Variants in CSMD1 observed in about 807,000 individuals in gnomAD.
CSMD1 encodes CUB and sushi domain-containing protein 1.
A neutral mutation model predicts 417.5 loss-of-function variants in CSMD1; 213 were observed. That is an observed-to-expected ratio of 0.51 (90% CI 0.46 to 0.57). The LOEUF (loss-of-function observed/expected upper bound fraction) is 0.57. Among genes scored for constraint, CSMD1 ranks in the 20% least tolerant of loss-of-function variants. The probability of loss-of-function intolerance (pLI) is 0.00; values close to 1 mark genes in which losing one functional copy is unlikely to be tolerated. For missense variants in CSMD1, 6,923 were observed against 4,529.7 expected (o/e 1.53, Z -15.17); for synonymous variants, 2,862 against 1,736.8 (o/e 1.65, Z -16.11).
intron 8 of CSMD1, among the ~76,000 whole-genome samples, chr8:3,606,289 T>A (rs1801609781): frequency 6.6e-6 from 1 of 152,030 alleles, no homozygotes; most frequent in Admixed American, 6.6e-5. Context: ...CAGAGGGCCC[T>A]TACACCCACC....
intron 3 of CSMD1, among the ~76,000 whole-genome samples, chr8:4,166,592 T>C (rs1428064286): frequency 6.6e-6 from 1 of 152,084 alleles, no homozygotes; most frequent in Non-Finnish European, 1.5e-5. Context: ...TAATGGACTT[T>C]GGGGACTCAC....
chr8:3,219,214 A>G (rs1306694438), intron 29 of CSMD1, 41 bp downstream of exon 29: 1 of 1,505,646 alleles, frequency 6.6e-7, no homozygotes, highest in Admixed American at 2.0e-5. Context: ...AACAGTCCTG[A>G]TACAAATTAA....
At chr8:4,836,226 GT>G (rs1800481853) in intron 1 of CSMD1, among the ~76,000 whole-genome samples, 1 of 152,146 alleles carries the variant, frequency 6.6e-6, no homozygotes, top group African/African-American at 2.4e-5. Context: ...TATTAGATAG[GT>G]TAATTAACTA....
chr8:4,535,525 A>G (rs150934342), intron 2 of CSMD1, among the ~76,000 whole-genome samples: 2 of 152,206 alleles, frequency 1.3e-5, no homozygotes, highest in East Asian at 3.9e-4. Context: ...TCGATGTTCA[A>G]ATTTTTTATC....
intron 26 of CSMD1, among the ~76,000 whole-genome samples, chr8:3,267,544 C>A (rs1005832422): frequency 2.6e-5 from 4 of 152,062 alleles, no homozygotes; most frequent in Non-Finnish European, 4.4e-5. Context: ...AGATGCTGGG[C>A]CAGGGAGCTT....
intron 3 of CSMD1, among the ~76,000 whole-genome samples, chr8:4,058,813 A>G (rs1563067707): frequency 6.6e-6 from 1 of 151,030 alleles, no homozygotes; most frequent in East Asian, 1.9e-4. Flanking sequence ...TGACCTACAA[A>G]GAGACTTAGA....
intron 5 of CSMD1, among the ~76,000 whole-genome samples, chr8:3,995,574 G>A (rs760772240): frequency 1.2e-4 from 19 of 152,160 alleles, no homozygotes; most frequent in African/African-American, 4.3e-4. Flanking sequence ...AAATGCCGTG[G>A]AGTCAGAGAC....
chr8:4,893,872 A>C (rs532476696), intron 1 of CSMD1, among the ~76,000 whole-genome samples: 1 of 152,210 alleles, frequency 6.6e-6, no homozygotes, highest in Admixed American at 6.5e-5. Flanking sequence ...TTTTCCCCAA[A>C]AACAGAAAAA....
intron 54 of CSMD1, among the ~76,000 whole-genome samples, chr8:2,979,091 T>G (rs1585085628): frequency 6.6e-6 from 1 of 152,226 alleles, no homozygotes. Context: ...TTTCCTTGGT[T>G]AAGTTTTTGT....
At chr8:4,256,860 C>A (rs1803493655) in intron 3 of CSMD1, among the ~76,000 whole-genome samples, 1 of 152,170 alleles carries the variant, frequency 6.6e-6, no homozygotes, top group Admixed American at 6.5e-5. Flanking sequence ...GTCACCATCG[C>A]ATAAAGGGGG....
At chr8:4,886,151 C>A (rs1054108277) in intron 1 of CSMD1, among the ~76,000 whole-genome samples, 1 of 151,918 alleles carries the variant, frequency 6.6e-6, no homozygotes, top group African/African-American at 2.4e-5. Flanking sequence ...CCACGACTCC[C>A]AGCTAATTTT....
intron 3 of CSMD1, among the ~76,000 whole-genome samples, chr8:4,297,607 G>C (rs866946255): frequency 1.3e-5 from 2 of 152,082 alleles, no homozygotes; most frequent in African/African-American, 4.8e-5. Flanking sequence ...GTAAGGCTAA[G>C]ATAGCCTGAA....
At chr8:4,278,411 C>G (rs1403590282) in intron 3 of CSMD1, among the ~76,000 whole-genome samples, 1 of 152,048 alleles carries the variant, frequency 6.6e-6, no homozygotes, top group Non-Finnish European at 1.5e-5. Context: ...ACATATTGAG[C>G]CACATGATAC....
chr8:4,859,646 A>G (rs1344052117), intron 1 of CSMD1, among the ~76,000 whole-genome samples: 2 of 152,156 alleles, frequency 1.3e-5, no homozygotes, highest in African/African-American at 2.4e-5. Flanking sequence ...ACAGCCAAAA[A>G]ACACATGAAA....
At chr8:3,387,018 G>T (rs139918686) in intron 18 of CSMD1, among the ~76,000 whole-genome samples, 1 of 152,178 alleles carries the variant, frequency 6.6e-6, no homozygotes, top group Non-Finnish European at 1.5e-5. Flanking sequence ...AAAAGCTGCT[G>T]AAGATCTCCT....
At chr8:3,744,899 G>A (rs886444559) in intron 6 of CSMD1, among the ~76,000 whole-genome samples, 8 of 152,132 alleles carry the variant, frequency 5.3e-5, no homozygotes, top group Non-Finnish European at 8.8e-5. Flanking sequence ...CATGCTGAGC[G>A]CTTTAGTTGA....
intron 1 of CSMD1, among the ~76,000 whole-genome samples, chr8:4,858,373 C>T (rs931725122): frequency 4.6e-5 from 7 of 151,574 alleles, no homozygotes; most frequent in Non-Finnish European, 1.0e-4. Flanking sequence ...GATGCCCTCT[C>T]TCACCACTCC....
chr8:4,114,323 C>A (rs762116011), intron 3 of CSMD1, among the ~76,000 whole-genome samples: 4 of 152,120 alleles, frequency 2.6e-5, no homozygotes, highest in Non-Finnish European at 4.4e-5. Flanking sequence ...TGGATGAGAC[C>A]ACATCTGTTT....
intron 1 of CSMD1, among the ~76,000 whole-genome samples, chr8:4,714,341 G>T (rs1050720003): frequency 2.0e-5 from 3 of 151,976 alleles, no homozygotes; most frequent in African/African-American, 7.3e-5. Context: ...GCAAAGTTTG[G>T]GGTCAGGGGG....
Sources: gnomAD v4.1 joint callset for allele counts (sites outside exome capture counted in the v4.1 genomes callset) on GRCh38, gnomAD v4.1.1 for gene constraint, MANE v1.5 for transcripts, NCBI Gene and HGNC (gene_info 2026-07-23, HGNC 2026-07-21) for gene names.